Variants in PRKD2 observed in about 807,000 individuals in gnomAD.
PRKD2 encodes protein kinase D2, also known as serine/threonine-protein kinase D2.
In PRKD2, 22 loss-of-function variants were observed where a neutral mutation model predicts 86.0. The ratio of observed to expected loss-of-function variants is 0.26; its 90% confidence interval spans 0.18 to 0.37. The LOEUF (loss-of-function observed/expected upper bound fraction) is 0.37. Among genes scored for constraint, PRKD2 ranks in the 10% least tolerant of loss-of-function variants. The pLI is 1.00. For missense variants in PRKD2, 818 were observed against 1,199.2 expected (o/e 0.68, Z 4.70); for synonymous variants, 509 against 510.9 (o/e 1.00, Z 0.05).
At chr19:46,676,003 C>T (rs1158536162) in intron 16 of PRKD2, among the ~76,000 whole-genome samples, 1 of 152,176 alleles carries the variant, frequency 6.6e-6, no homozygotes, top group African/African-American at 2.4e-5. Flanking sequence ...AAGCAATCTG[C>T]CTACCTTGGC....
intron 3 of PRKD2, among the ~76,000 whole-genome samples, chr19:46,708,748 C>G (rs2053755060): frequency 6.6e-6 from 1 of 152,186 alleles, no homozygotes; most frequent in South Asian, 2.1e-4. Flanking sequence ...GGATCTTTGT[C>G]TTTCCAGCCT....
At chr19:46,707,930 C>G (rs1205485905) in intron 3 of PRKD2, among the ~76,000 whole-genome samples, 3 of 152,052 alleles carry the variant, frequency 2.0e-5, no homozygotes, top group Non-Finnish European at 4.4e-5. Flanking sequence ...AACCCCGTCT[C>G]TACTAGAAAT....
At chr19:46,713,152 G>A (rs1272024593) in intron 2 of PRKD2, among the ~76,000 whole-genome samples, 1 of 149,918 alleles carries the variant, frequency 6.7e-6, no homozygotes. Context: ...CCAAGTAGCT[G>A]AGACTACAGA....
At position 46,704,246 on chromosome 19, in the gene PRKD2, C is replaced by G. The variant is rs903560915; in HGVS notation, c.812G>C (p.Ser271Thr). ...VKVPHTFLIH[S>T]YTRPTVCQAC... Reference sequence around the variant, plus strand: ...CTGGCAAACGGTGGGCCGTGTATAGCTGTGGATGAGGAAGGTGTGCGGCAC... The same window carrying G: ...CTGGCAAACGGTGGGCCGTGTATAGGTGTGGATGAGGAAGGTGTGCGGCAC... The change falls in exon 5 of 18, where the codon AGC becomes ACC. Residue 271 changes from serine (S) to threonine (T), a missense_variant. Physicochemically the swap from Ser to Thr is moderately conservative, Grantham distance 58. Around this residue, in one of 5 missense-constraint regions of PRKD2, gnomAD observed 403 missense variants for 518.6 expected, o/e 0.78. Coordinates refer to ENST00000291281, the MANE Select transcript of PRKD2 (RefSeq NM_016457.5). 1 of 1,614,204 alleles carries G rather than the reference C, an allele frequency of 6.2e-7. No individual in the cohort carries two copies. Among genetic ancestry groups the G allele is most frequent in the Non-Finnish European group, 8.5e-7 (1 of 1,180,042 alleles).
chr19:46,675,643 C>T (rs538630797), intron 16 of PRKD2, among the ~76,000 whole-genome samples: 5 of 152,302 alleles, frequency 3.3e-5, no homozygotes, highest in Admixed American at 3.3e-4. Flanking sequence ...TGGGGTTTCA[C>T]CATATTGGCC....
At chr19:46,697,404 G>T in intron 8 of PRKD2, 170 bp from the exon 9 acceptor site, 2 of 185,294 alleles carry the variant, frequency 1.1e-5, no homozygotes, top group Non-Finnish European at 1.8e-5. Context: ...CCCCAGCCCC[G>T]CCCCTAGCCT....
At position 46,678,355 on chromosome 19, in the gene PRKD2, C is replaced by G; in HGVS notation, c.2338+41G>C. ...CTCCGCCCACTTCTCCAGCCCCACC[C>G]CACAACCCACCCGCCCATGGGGTAG... On this transcript the variant is annotated intron_variant, in intron 16 of 17. Transcript: ENST00000291281. The surrounding 1 kb of genome is among the most constrained non-coding windows in gnomAD (Gnocchi z 5.7). The G allele has an allele frequency of 6.2e-7, 1 of 1,604,388 alleles. No homozygotes were observed.
chr19:46,714,301 G>T, intron 1 of PRKD2: 1 of 1,168,022 alleles, frequency 8.6e-7, no homozygotes, highest in Non-Finnish European at 1.1e-6. Context: ...ACCTGGCGGA[G>T]GTGGGAGGGG....
intron 15 of PRKD2, 52 bp downstream of exon 15, chr19:46,681,598 C>T (rs1008199364): frequency 1.0e-5 from 10 of 969,522 alleles, no homozygotes; most frequent in African/African-American, 8.3e-5. Flanking sequence ...ACCCCCACCC[C>T]GGCCATCAGT....
At position 46,717,012 on chromosome 19, in the gene PRKD2, CG is replaced by C; in HGVS notation, c.-643del. 1 of 101,680 alleles carries C rather than the reference CG, an allele frequency of 9.8e-6. No homozygotes were observed. Among genetic ancestry groups the C allele is most frequent in the South Asian group, 3.2e-4 (1 of 3,120 alleles). 6.3% of individuals were successfully genotyped at this position (101,680 alleles called of 1,614,324 possible). A position where few individuals can be genotyped will look rare whatever the true frequency, so the allele number is the denominator to read the frequency against. On this transcript the variant is annotated 5_prime_UTR_variant, in exon 1 of 18. Transcript: ENST00000291281. ...CGTGAGGAAGGGGGCGTTGCCGGAGCGGGGTTGGGTGGGGGGCAGGGAGGGT... is the reference window on the plus strand; with the variant it reads ...CGTGAGGAAGGGGGCGTTGCCGGAGCGGGTTGGGTGGGGGGCAGGGAGGGT...
chr19:46,683,372 C>T (rs1311373564), intron 14 of PRKD2, among the ~76,000 whole-genome samples: 2 of 152,042 alleles, frequency 1.3e-5, no homozygotes, highest in East Asian at 1.9e-4. Context: ...GGATTATAGG[C>T]GTGAGCCACT....
Position 46,693,843 on chromosome 19 carries a change from T to C in PRKD2, c.1576+32A>G. 6.4e-7 allele frequency: 1 copy of C among 1,562,028 alleles called. No homozygotes were observed. The highest frequency in any genetic ancestry group is 8.7e-7 in the Non-Finnish European group (1 of 1,155,880). ...ACCGTGCCCCACCCATCTAGATCTA[T>C]TCTCTCAAGGACCCGAGGTGGGAGG... is the stretch of plus-strand genomic sequence containing the variant. On this transcript the variant is annotated intron_variant, in intron 10 of 17. Transcript: ENST00000291281. The surrounding 1 kb of genome is among the most constrained non-coding windows in gnomAD (Gnocchi z 4.5).
Position 46,697,736 on chromosome 19 carries a change from C to T in PRKD2, c.1236G>A (p.Thr412=). 1 of 1,613,146 alleles carries T rather than the reference C, an allele frequency of 6.2e-7. No individual in the cohort carries two copies. Among genetic ancestry groups the T allele is most frequent in the Non-Finnish European group, 8.5e-7 (1 of 1,179,246 alleles). The change falls in exon 8 of 18, where the codon ACG becomes ACA. Residue 412 remains threonine (T), a synonymous_variant. Coordinates refer to ENST00000291281, the MANE Select transcript of PRKD2 (RefSeq NM_016457.5). ...CGGCCCCGCCCCGGCCACTCACCAG[C>T]GTGTCCTTGTTGCTGTAATGAACCA... The part of the protein sequence containing the change: ...GWVVHYSNKD[T]LRKRHYWRLD...
chr19:46,706,166 A>T (rs995748718), intron 3 of PRKD2, among the ~76,000 whole-genome samples: 3 of 151,976 alleles, frequency 2.0e-5, no homozygotes, highest in African/African-American at 7.3e-5. Context: ...TGCCCTGCCT[A>T]TTTTATCTTT....
chr19:46,681,583 T>TGCCCCCCCCCCC, intron 15 of PRKD2, 67 bp downstream of exon 15: 10 of 671,500 alleles, frequency 1.5e-5, no homozygotes, highest in Middle Eastern at 4.0e-4. Context: ...ATAATCCCCT[T>TGCCCCCCCCCCC]CCCCACCCCC....
At position 46,700,878 on chromosome 19, in the gene PRKD2, C is replaced by T. The variant is rs751082013; in HGVS notation, c.1042G>A (p.Gly348Ser). Reference protein sequence around the residue: ...SALMDESEDSGVIPGSHSENA... With the variant: ...SALMDESEDSSVIPGSHSENA... ...TCTGAGTGGGAGCCAGGGATGACAC[C>T]GGAGTCCTCTGACTCATCCATGAGG... is the stretch of plus-strand genomic sequence containing the variant. Residue 348 changes from glycine (G) to serine (S), a missense_variant, in exon 7 of 18, where the codon GGT (glycine) becomes AGT (serine). Gly to Ser is a moderately conservative substitution (Grantham distance 56). This residue lies in a region of PRKD2 where 403 missense variants were observed against 518.6 expected (regional missense o/e 0.78). Transcript: ENST00000291281. 31 of 1,614,140 alleles carry T rather than the reference C, an allele frequency of 1.9e-5. No homozygotes were observed. Among genetic ancestry groups the T allele is most frequent in the Middle Eastern group, 3.3e-4 (2 of 6,084 alleles).
chr19:46,683,518 T>TA (rs201962723), intron 14 of PRKD2, among the ~76,000 whole-genome samples: 1,572 of 152,236 alleles, frequency 0.01, 25 homozygotes, highest in African/African-American at 0.035. Flanking sequence ...GGTCAGGAGT[T>TA]AGACACCATC....
chr19:46,712,010 G>A (rs1284712851), intron 2 of PRKD2, among the ~76,000 whole-genome samples: 1 of 151,524 alleles, frequency 6.6e-6, no homozygotes, highest in Non-Finnish European at 1.5e-5. Context: ...AGAGGTTGCC[G>A]TGAGCCAAGA....
rs781357064 is a variant in PRKD2, at chr19:46,704,190, G to T, written c.868C>A (p.Arg290=). The T allele has an allele frequency of 3.1e-6, 5 of 1,614,090 alleles. No individual in the cohort carries two copies. The South Asian group carries it at 3.3e-5, about 11-fold the overall frequency. Residue 290 remains arginine, a synonymous_variant, in exon 5 of 18, where the codon CGG becomes AGG. Transcript: ENST00000291281. ...ACKKLLKGLF[R]QGLQCKDCKF... ...TAACCTTTGCATTGCAGGCCCTGCCGGAAGAGGCCCTTGAGGAGTTTCTTG... is the reference window on the plus strand; with the variant it reads ...TAACCTTTGCATTGCAGGCCCTGCCTGAAGAGGCCCTTGAGGAGTTTCTTG...
Sources: allele counts gnomAD v4.1 joint callset (sites outside exome capture counted in the v4.1 genomes callset), GRCh38; gene constraint gnomAD v4.1.1; regional missense constraint gnomAD v4.1.1; non-coding constraint Gnocchi (gnomAD v3.1); transcripts MANE v1.5; gene names NCBI Gene and HGNC (gene_info 2026-07-23, HGNC 2026-07-21).